DCLK1: variants seen among roughly 807,000 people sequenced by gnomAD.
The protein encoded by DCLK1 is serine/threonine-protein kinase DCLK1.
A neutral mutation model predicts 86.2 loss-of-function variants in DCLK1; 16 were observed. The ratio of observed to expected loss-of-function variants is 0.19; its 90% CI spans 0.13 to 0.28. The LOEUF (loss-of-function observed/expected upper bound fraction) is 0.28, where lower values mean the gene tolerates loss of function less well. DCLK1 is among the 10% of genes least tolerant of loss of function. The pLI, the probability that DCLK1 is intolerant of heterozygous loss-of-function variation, is 1.00. For synonymous variants in DCLK1, 369 were observed against 370.5 expected, an observed-to-expected ratio of 1.00 and a Z score of 0.05; for missense variants, 590 against 940.2, an observed-to-expected ratio of 0.63 and a Z score of 4.87.
intron 2 of DCLK1, among the ~76,000 whole-genome samples, chr13:36,115,760 T>C (rs886779761): frequency 6.6e-6 from 1 of 151,410 alleles, no homozygotes; most frequent in Non-Finnish European, 1.5e-5. Flanking sequence ...AGTAAGGAAA[T>C]AAGCATGAAA....
rs1287468844 is a variant in DCLK1 at position 35,770,336 on chromosome 13, TC to T, written c.*4198del. ...AAGAAAAGAGTAAAGTGTATTATTT[TC>T]CCCTGCTTCTTTTCATATCTGAATT... is the stretch of plus-strand genomic sequence containing the variant. On this transcript the variant is annotated 3_prime_UTR_variant, in exon 17 of 17. Transcript: ENST00000360631. 2.6e-5 allele frequency: 4 copies of T among 152,224 alleles called. No individual in the cohort carries two copies. Among genetic ancestry groups the T allele is most frequent in the African/African-American group, 9.6e-5 (4 of 41,454 alleles). 9.4% of individuals were successfully genotyped at this position (152,224 alleles called of 1,614,324 possible). A position where few individuals can be genotyped will look rare whatever the true frequency, so the allele number is the denominator to read the frequency against.
intron 4 of DCLK1, among the ~76,000 whole-genome samples, chr13:35,907,647 A>G (rs1007735344): frequency 6.6e-6 from 1 of 152,130 alleles, no homozygotes; most frequent in Non-Finnish European, 1.5e-5. Flanking sequence ...GCAGGATAGG[A>G]CAGCCTGCAG....
rs555556578 is a variant in DCLK1 at position 36,037,724 on chromosome 13, T to C, written c.723+74145A>G. Among the ~76,000 whole-genome samples, 3 of 152,290 alleles carry C rather than the reference T, an allele frequency of 2.0e-5. No homozygotes were observed. In the South Asian group the frequency reaches 6.2e-4, roughly 32 times the overall value. On this transcript the variant is annotated intron_variant, in intron 3 of 16. Transcript: ENST00000360631. ...GTCTCAAACTCCTGACCTCAGATGA[T>C]CTGCCTGTCTCAACCTCCCAAAGTG...
intron 3 of DCLK1, among the ~76,000 whole-genome samples, chr13:36,101,815 C>T (rs187155672): frequency 1.3e-5 from 2 of 152,142 alleles, no homozygotes; most frequent in East Asian, 3.9e-4. Context: ...ACCATCTAGC[C>T]TCACTGCAAC....
At position 36,081,947 on chromosome 13, in the gene DCLK1, C is replaced by A. The variant is rs139989984; in HGVS notation, c.723+29922G>T. ...GAAGAGAACTTTAGCATCCTGCAAA[C>A]CAAGGCATTGGATATGCACTATCTA... is the stretch of plus-strand genomic sequence containing the variant. On this transcript the variant is annotated intron_variant, in intron 3 of 16. Coordinates refer to ENST00000360631, the MANE Select transcript of DCLK1 (RefSeq NM_001330071.2). Among the ~76,000 whole-genome samples, 22 of 152,292 alleles carry A rather than the reference C, an allele frequency of 1.4e-4. 1 individual carries two copies. In the East Asian group the frequency reaches 4.2e-3, roughly 29 times the overall value.
intron 4 of DCLK1, among the ~76,000 whole-genome samples, chr13:35,913,191 C>T (rs997477994): frequency 1.3e-5 from 2 of 152,182 alleles, no homozygotes; most frequent in Admixed American, 6.5e-5. Context: ...ATCGTCTGCC[C>T]AAAGGGCCTT....
chr13:36,103,072 G>A (rs1280374664), intron 3 of DCLK1, among the ~76,000 whole-genome samples: 2 of 152,102 alleles, frequency 1.3e-5, no homozygotes, highest in East Asian at 1.9e-4. Flanking sequence ...GGGTTTTGTT[G>A]TTGTTGTTAT....
At chr13:36,021,091 G>A (rs1881756609) in intron 3 of DCLK1, among the ~76,000 whole-genome samples, 1 of 152,084 alleles carries the variant, frequency 6.6e-6, no homozygotes, top group Non-Finnish European at 1.5e-5. Flanking sequence ...GGTATAATTT[G>A]TGTGACAATA....
At chr13:35,820,515 A>G (rs1303528470) in intron 11 of DCLK1, among the ~76,000 whole-genome samples, 2 of 152,244 alleles carry the variant, frequency 1.3e-5, no homozygotes, top group East Asian at 3.8e-4. Flanking sequence ...GTAATCACTT[A>G]TGGCATTTAC....
intron 4 of DCLK1, among the ~76,000 whole-genome samples, chr13:35,909,597 A>G (rs976617553): frequency 4.8e-5 from 7 of 146,178 alleles, no homozygotes; most frequent in African/African-American, 1.5e-4. Context: ...CTGTGTGCAT[A>G]TGTGTGTGTG....
intron 4 of DCLK1, among the ~76,000 whole-genome samples, chr13:35,934,494 G>A (rs892131960): frequency 6.6e-5 from 10 of 152,192 alleles, no homozygotes; most frequent in African/African-American, 1.9e-4. Flanking sequence ...TTACATGGAA[G>A]GCAGCAGGCA....
intron 3 of DCLK1, among the ~76,000 whole-genome samples, chr13:36,054,466 G>A (rs1474664299): frequency 6.6e-6 from 1 of 152,092 alleles, no homozygotes; most frequent in Non-Finnish European, 1.5e-5. Flanking sequence ...AACATAGCTG[G>A]GCTATTATTA....
chr13:35,797,201 AT>A (rs2086830578), intron 15 of DCLK1, among the ~76,000 whole-genome samples: 1 of 152,190 alleles, frequency 6.6e-6, no homozygotes, highest in Non-Finnish European at 1.5e-5. Context: ...ATGGGGAAAG[AT>A]AGCTGGGTTT....
intron 4 of DCLK1, among the ~76,000 whole-genome samples, chr13:35,906,904 G>A (rs531902166): frequency 9.9e-5 from 15 of 152,216 alleles, no homozygotes; most frequent in South Asian, 8.3e-4. Context: ...TCGAGGGCCC[G>A]GAGTCAGGTG....
intron 4 of DCLK1, among the ~76,000 whole-genome samples, chr13:35,925,962 G>A (rs1001400222): frequency 6.6e-6 from 1 of 152,040 alleles, no homozygotes; most frequent in Non-Finnish European, 1.5e-5. Flanking sequence ...GTAGTTTGCA[G>A]TTTGTATACA....
intron 3 of DCLK1, among the ~76,000 whole-genome samples, chr13:36,031,527 C>T (rs1882271374): frequency 6.6e-6 from 1 of 152,064 alleles, no homozygotes; most frequent in Non-Finnish European, 1.5e-5. Context: ...AAGATCAGTC[C>T]TGTGATTTTA....
At chr13:35,839,609 T>C (rs1333071286) in intron 6 of DCLK1, among the ~76,000 whole-genome samples, 1 of 152,196 alleles carries the variant, frequency 6.6e-6, no homozygotes, top group Non-Finnish European at 1.5e-5. Flanking sequence ...AGTTTGTTTT[T>C]ATAAAATATC....
At chr13:35,914,480 G>T (rs2153125493) in intron 4 of DCLK1, among the ~76,000 whole-genome samples, 1 of 150,476 alleles carries the variant, frequency 6.6e-6, no homozygotes, top group African/African-American at 2.4e-5. Flanking sequence ...ACTTTGGAAG[G>T]CCAACGTGGG....
At chr13:35,876,847 T>C (rs1035161202) in intron 4 of DCLK1, among the ~76,000 whole-genome samples, 3 of 152,128 alleles carry the variant, frequency 2.0e-5, no homozygotes, top group Non-Finnish European at 4.4e-5. Flanking sequence ...TTTCCTTTGG[T>C]GGTGGAGAAA....
Sources: gnomAD v4.1 joint callset for allele counts (sites outside exome capture counted in the v4.1 genomes callset) on GRCh38, gnomAD v4.1.1 for gene constraint, MANE v1.5 for transcripts, NCBI Gene and HGNC (gene_info 2026-07-23, HGNC 2026-07-21) for gene names.